ITK: variants seen among roughly 807,000 people sequenced by gnomAD.
ITK encodes tyrosine-protein kinase ITK/TSK.
A neutral mutation model predicts 87.6 loss-of-function variants in ITK; 45 were observed. The ratio of observed to expected loss-of-function variants is 0.51; its 90% CI spans 0.40 to 0.66. The LOEUF is 0.66. ITK is among the 30% of genes least tolerant of loss of function. The pLI is 0.00. For synonymous variants in ITK, 303 were observed against 273.6 expected (o/e 1.11, Z -1.06); for missense variants, 605 against 766.3 (o/e 0.79, Z 2.48).
chr5:157,229,047 A>C (rs577085115), intron 7 of ITK, among the ~76,000 whole-genome samples: 19 of 152,384 alleles, frequency 1.2e-4, no homozygotes, highest in African/African-American at 3.8e-4. Flanking sequence ...GTAATAGACT[A>C]CAAACCATTG....
chr5:157,210,019 T>C (rs1382313758), intron 2 of ITK, among the ~76,000 whole-genome samples: 1 of 151,548 alleles, frequency 6.6e-6, no homozygotes, highest in Non-Finnish European at 1.5e-5. Context: ...TCCACCTCCC[T>C]GGTTCAAGTG....
chr5:157,249,022 T>C lies in ITK; in HGVS notation c.1791+15T>C, dbSNP rs1234085279. The C allele has an allele frequency of 6.2e-7, 1 of 1,610,928 alleles. No individual in the cohort carries two copies. The highest frequency in any genetic ancestry group is 2.2e-5 in the East Asian group (1 of 44,864). The stretch of plus-strand genomic sequence containing the variant: ...GCTGGAAAGAGGTCAGTGGAGGAAG[T>C]GCTTCCCCATGCATTGTCGTATACA... On this transcript the variant is annotated intron_variant, in intron 16 of 16. Coordinates refer to ENST00000422843, the MANE Select transcript of ITK (RefSeq NM_005546.4).
In ITK at chr5:157,238,058, A is replaced by G. The variant is rs538711147; in HGVS notation, c.769-51A>G. Reference sequence around the variant, plus strand: ...GGCAAGAAAGTGGAGCTGGAGGCATAAGCCTGGTTTCCTGAGATCACTAAC... The same window carrying G: ...GGCAAGAAAGTGGAGCTGGAGGCATGAGCCTGGTTTCCTGAGATCACTAAC... On this transcript the variant is annotated intron_variant, in intron 8 of 16. Coordinates refer to ENST00000422843, the MANE Select transcript of ITK (RefSeq NM_005546.4). 5.0e-6 allele frequency: 7 copies of G among 1,404,022 alleles called. No individual in the cohort carries two copies. In the Admixed American group the frequency reaches 1.2e-4, roughly 24 times the overall value. 87.0% of individuals were successfully genotyped at this position (1,404,022 alleles called of 1,614,324 possible).
intron 1 of ITK, among the ~76,000 whole-genome samples, chr5:157,193,965 C>T (rs184792426): frequency 7.0e-4 from 106 of 152,240 alleles, no homozygotes; most frequent in African/African-American, 2.5e-3. Context: ...CCTTACAATT[C>T]TTTGAACAAG....
chr5:157,217,939 G>T lies in ITK; in HGVS notation c.495+32G>T, dbSNP rs775530280. 2.5e-5 allele frequency: 40 copies of T among 1,588,650 alleles called. No individual in the cohort carries two copies. The East Asian group carries it at 8.9e-4, about 35-fold the overall frequency. Reference sequence around the variant, plus strand: ...GAGAGCGCTAGCTCCGGGTGCAGGTGGGCCCACAGGCTACCTGATTGGCAT... The same window carrying T: ...GAGAGCGCTAGCTCCGGGTGCAGGTTGGCCCACAGGCTACCTGATTGGCAT... On this transcript the variant is annotated intron_variant, in intron 5 of 16. Coordinates refer to ENST00000422843, the MANE Select transcript of ITK (RefSeq NM_005546.4).
intron 12 of ITK, 86 bp from the exon 13 acceptor site, chr5:157,244,176 C>T: frequency 9.6e-7 from 1 of 1,037,666 alleles, no homozygotes; most frequent in Non-Finnish European, 1.5e-6. Flanking sequence ...GACAAAATGA[C>T]CATTGGCTAT....
intron 5 of ITK, among the ~76,000 whole-genome samples, chr5:157,219,117 T>C (rs931864408): frequency 1.3e-5 from 2 of 149,860 alleles, no homozygotes; most frequent in Admixed American, 6.6e-5. Context: ...TTCTTTCTTT[T>C]TTTTTTTTTT....
intron 12 of ITK, 138 bp from the exon 13 acceptor site, chr5:157,244,124 T>C: frequency 1.2e-6 from 1 of 803,040 alleles, no homozygotes; most frequent in Non-Finnish European, 2.1e-6. Context: ...GTTTTTGTTT[T>C]GGGGAGGGAA....
chr5:157,251,438 G>A (rs1561666989), intron 16 of ITK, among the ~76,000 whole-genome samples: 1 of 152,080 alleles, frequency 6.6e-6, no homozygotes, highest in Non-Finnish European at 1.5e-5. Context: ...TTTTCTCCTA[G>A]TCTGTGGCAT....
chr5:157,199,022 C>T (rs1171427955), intron 1 of ITK, among the ~76,000 whole-genome samples: 1 of 152,168 alleles, frequency 6.6e-6, no homozygotes, highest in African/African-American at 2.4e-5. Flanking sequence ...TCTTTGGCCT[C>T]CCAAAGTGTT....
chr5:157,188,407 C>A (rs1289001852), intron 1 of ITK, among the ~76,000 whole-genome samples: 3 of 152,190 alleles, frequency 2.0e-5, no homozygotes, highest in African/African-American at 4.8e-5. Flanking sequence ...TCACTTCACA[C>A]CACACTCCCT....
intron 8 of ITK, among the ~76,000 whole-genome samples, chr5:157,232,751 A>G (rs13164509): frequency 0.016 from 2,488 of 152,362 alleles, 29 homozygotes; most frequent in Non-Finnish European, 0.027. Flanking sequence ...GGGAATTTAC[A>G]GGACTAGCAA....
In ITK at chr5:157,222,949, C is replaced by T. The variant is rs957272621; in HGVS notation, c.582C>T (p.Arg194=). 3 of 1,614,090 alleles carry T rather than the reference C, an allele frequency of 1.9e-6. No homozygotes were observed. In the African/African-American group the frequency reaches 4.0e-5, roughly 22 times the overall value. ...TNDPQELALR[R]NEEYCLLDSS... ...ATCCTCAGGAACTCGCACTGCGGCG[C>T]AACGAAGAGTACTGCCTGCTGGACA... Residue 194 remains arginine (R), a synonymous_variant, in exon 6 of 17, where the codon CGC becomes CGT. Transcript: ENST00000422843.
At chr5:157,197,285 A>C (rs887398262) in intron 1 of ITK, among the ~76,000 whole-genome samples, 1 of 152,204 alleles carries the variant, frequency 6.6e-6, no homozygotes, top group Non-Finnish European at 1.5e-5. Flanking sequence ...GCTGCTGCTC[A>C]CTGCTAATGG....
chr5:157,211,982 G>T (rs1330462441), intron 3 of ITK, among the ~76,000 whole-genome samples: 1 of 152,194 alleles, frequency 6.6e-6, no homozygotes, highest in Non-Finnish European at 1.5e-5. Flanking sequence ...CAGACCATTG[G>T]TAAGGGTATT....
chr5:157,217,887 C>T lies in ITK; in HGVS notation c.475C>T (p.Pro159Ser), dbSNP rs763687781. 11 of 1,613,992 alleles carry T rather than the reference C, an allele frequency of 6.8e-6. No homozygotes were observed. Among genetic ancestry groups the T allele is most frequent in the Non-Finnish European group, 9.3e-6 (11 of 1,179,964 alleles). Residue 159 changes from proline (P) to serine (S), a missense_variant, in exon 5 of 17, where the codon CCT becomes TCT. Physicochemically the swap from Pro to Ser is moderately conservative, Grantham distance 74 (BLOSUM62 -1). Around this residue, in one of 3 missense-constraint regions of ITK, gnomAD observed 464 missense variants for 578.0 expected, o/e 0.80. Coordinates refer to ENST00000422843, the MANE Select transcript of ITK (RefSeq NM_005546.4). The part of the protein sequence containing the change: ...TKNASKKPLP[P>S]TPEDNRRPLW... ...TTCAGCTTCAAAGAAGCCTCTTCCT[C>T]CTACTCCTGAAGACAACAGGGTGAG...
chr5:157,230,040 C>A (rs763898617), intron 7 of ITK, among the ~76,000 whole-genome samples: 18 of 152,292 alleles, frequency 1.2e-4, no homozygotes, highest in Non-Finnish European at 1.9e-4. Flanking sequence ...ACAACCGATA[C>A]AATTTGAATA....
chr5:157,218,511 GAA>G (rs397884875), intron 5 of ITK, among the ~76,000 whole-genome samples: 1 of 102,716 alleles, frequency 9.7e-6, no homozygotes, highest in Admixed American at 1.0e-4. Context: ...CCCGTCTCCA[GAA>G]AAAAAAAAAA....
At chr5:157,228,245 A>G (rs781287748) in intron 6 of ITK, 51 bp from the exon 7 acceptor site, 2 of 1,057,310 alleles carry the variant, frequency 1.9e-6, no homozygotes, top group Admixed American at 1.7e-5. Context: ...CTATAAAATG[A>G]TATAAAACTT....
Sources: allele counts gnomAD v4.1 joint callset (sites outside exome capture counted in the v4.1 genomes callset), GRCh38; gene constraint gnomAD v4.1.1; regional missense constraint gnomAD v4.1.1; transcripts MANE v1.5; gene names NCBI Gene and HGNC (gene_info 2026-07-23, HGNC 2026-07-21).